SYT17: variants seen among roughly 807,000 people sequenced by gnomAD.
SYT17 encodes the protein synaptotagmin 17.
SYT17 carries 22 observed loss-of-function variants against 46.7 expected under a neutral mutation model. The ratio of observed to expected loss-of-function variants is 0.47; its 90% CI spans 0.34 to 0.67. SYT17 has a LOEUF of 0.67. SYT17 is among the 30% of genes least tolerant of loss of function. The pLI, the probability that SYT17 is intolerant of heterozygous loss-of-function variation, is 0.01. For missense variants in SYT17, 519 were observed against 612.8 expected, an observed-to-expected ratio of 0.85 and a Z score of 1.62; for synonymous variants, 251 against 248.4, an observed-to-expected ratio of 1.01 and a Z score of -0.10.
At chr16:19,192,728 C>G (rs886459818) in intron 5 of SYT17, among the ~76,000 whole-genome samples, 3 of 152,154 alleles carry the variant, frequency 2.0e-5, no homozygotes, top group African/African-American at 7.2e-5. Flanking sequence ...AAAGCAGAGG[C>G]TTTGATGCCC....
At chr16:19,209,639 G>A (rs1567213515) in intron 5 of SYT17, among the ~76,000 whole-genome samples, 1 of 152,092 alleles carries the variant, frequency 6.6e-6, no homozygotes, top group Non-Finnish European at 1.5e-5. Context: ...GGGAGACCGA[G>A]GTGGGCGGAT....
intron 7 of SYT17, among the ~76,000 whole-genome samples, chr16:19,253,270 T>C (rs1968319452): frequency 6.6e-6 from 1 of 152,134 alleles, no homozygotes; most frequent in Non-Finnish European, 1.5e-5. Flanking sequence ...AGAAAAAGTA[T>C]GTTGGCCTGG....
chr16:19,222,132 C>T (rs968770635), intron 5 of SYT17, among the ~76,000 whole-genome samples: 4 of 152,096 alleles, frequency 2.6e-5, no homozygotes, highest in Admixed American at 2.0e-4. Flanking sequence ...GACACCATAT[C>T]GAGGGCTTAG....
intron 7 of SYT17, 55 bp downstream of exon 7, chr16:19,224,893 G>A (rs1966449197): frequency 1.3e-6 from 2 of 1,594,922 alleles, no homozygotes; most frequent in East Asian, 2.2e-5. Context: ...CAAACTTACT[G>A]TCCTAGAGCC....
chr16:19,229,080 A>G (rs1340131457), intron 7 of SYT17, among the ~76,000 whole-genome samples: 1 of 152,222 alleles, frequency 6.6e-6, no homozygotes, highest in Non-Finnish European at 1.5e-5. Flanking sequence ...CAAGATAGCA[A>G]CACACAGCCC....
chr16:19,244,508 A>G (rs367817791), intron 7 of SYT17, among the ~76,000 whole-genome samples: 3 of 151,288 alleles, frequency 2.0e-5, no homozygotes, highest in African/African-American at 7.4e-5. Flanking sequence ...ATTTTAAAAA[A>G]TTTTTTGTAG....
At chr16:19,179,696 C>T (rs184006652) in intron 3 of SYT17, among the ~76,000 whole-genome samples, 26 of 152,306 alleles carry the variant, frequency 1.7e-4, no homozygotes, top group Admixed American at 5.9e-4. Flanking sequence ...GCCCCAGCAC[C>T]CAGCCAGGGT....
At chr16:19,248,755 GA>G (rs1238147497) in intron 7 of SYT17, among the ~76,000 whole-genome samples, 2 of 152,102 alleles carry the variant, frequency 1.3e-5, no homozygotes, top group Non-Finnish European at 2.9e-5. Flanking sequence ...CTGGGAGGCG[GA>G]AGTTGCAGTG....
At chr16:19,195,745 A>G (rs981878062) in intron 5 of SYT17, among the ~76,000 whole-genome samples, 1 of 152,018 alleles carries the variant, frequency 6.6e-6, no homozygotes, top group Non-Finnish European at 1.5e-5. Context: ...GCACTTTGGG[A>G]GGCCAAGGCG....
At chr16:19,238,653 T>C (rs934001160) in intron 7 of SYT17, among the ~76,000 whole-genome samples, 9 of 152,236 alleles carry the variant, frequency 5.9e-5, no homozygotes, top group Non-Finnish European at 1.2e-4. Context: ...CTGGTGCCTT[T>C]GGATGGAACC....
chr16:19,218,899 ATGT>A (rs1966194921), intron 5 of SYT17, among the ~76,000 whole-genome samples: 1 of 151,916 alleles, frequency 6.6e-6, no homozygotes, highest in Admixed American at 6.6e-5. Context: ...GACCTTGCAC[ATGT>A]TGTTCCCTCT....
At chr16:19,264,183 G>A (rs1419973706) in intron 7 of SYT17, among the ~76,000 whole-genome samples, 1 of 152,208 alleles carries the variant, frequency 6.6e-6, no homozygotes, top group African/African-American at 2.4e-5. Context: ...CTCCAGAACT[G>A]TGAGCAATAA....
chr16:19,180,319 A>G, intron 3 of SYT17, 72 bp from the exon 4 acceptor site: 1 of 1,568,878 alleles, frequency 6.4e-7, no homozygotes, highest in East Asian at 2.3e-5. Flanking sequence ...GTGGGTCTTA[A>G]CCCCCAAGGG....
chr16:19,223,763 T>C (rs1258545792), intron 6 of SYT17, among the ~76,000 whole-genome samples: 1 of 152,148 alleles, frequency 6.6e-6, no homozygotes, highest in Admixed American at 6.5e-5. Context: ...AAATTACTTT[T>C]GCAATAAGGT....
intron 5 of SYT17, among the ~76,000 whole-genome samples, chr16:19,207,727 A>G (rs1965728323): frequency 6.6e-6 from 1 of 152,126 alleles, no homozygotes; most frequent in African/African-American, 2.4e-5. Context: ...AAGATAGGGA[A>G]CAAGGTGGCC....
At chr16:19,249,568 T>A (rs555641833) in intron 7 of SYT17, among the ~76,000 whole-genome samples, 11 of 152,336 alleles carry the variant, frequency 7.2e-5, no homozygotes, top group East Asian at 3.9e-4. Context: ...GGATATTTTT[T>A]AAAAATGAAA....
chr16:19,266,760 C>A, intron 7 of SYT17, 120 bp from the exon 8 acceptor site: 2 of 826,664 alleles, frequency 2.4e-6, no homozygotes, highest in Non-Finnish European at 3.6e-6. Flanking sequence ...AAACGATGAC[C>A]CCCATGTTTG....
chr16:19,196,142 T>C (rs1965232907), intron 5 of SYT17, among the ~76,000 whole-genome samples: 1 of 152,040 alleles, frequency 6.6e-6, no homozygotes, highest in South Asian at 2.1e-4. Flanking sequence ...TGAGACACAA[T>C]TGAGGTTGAA....
chr16:19,213,238 G>A (rs1421222577), intron 5 of SYT17, among the ~76,000 whole-genome samples: 1 of 152,128 alleles, frequency 6.6e-6, no homozygotes, highest in African/African-American at 2.4e-5. Context: ...GGAGGGAAGG[G>A]GTTTTTATCC....
Sources: gnomAD v4.1 joint callset for allele counts (sites outside exome capture counted in the v4.1 genomes callset) on GRCh38, gnomAD v4.1.1 for gene constraint, MANE v1.5 for transcripts, NCBI Gene and HGNC (gene_info 2026-07-23, HGNC 2026-07-21) for gene names.